RYR2: variants seen among roughly 807,000 people sequenced by gnomAD.
RYR2 encodes the protein ryanodine receptor 2.
In RYR2, 227 loss-of-function variants were observed where a neutral mutation model predicts 601.1. That is an observed-to-expected ratio of 0.38 (90% CI 0.34 to 0.42). RYR2 has a LOEUF of 0.42. Ranked by LOEUF, RYR2 falls within the 10% of genes least tolerant of loss-of-function variation. The pLI is 1.00. For synonymous variants in RYR2, 2,223 were observed against 2,175.1 expected (o/e 1.02, Z -0.61); for missense variants, 4,646 against 6,156.5 (o/e 0.75, Z 8.21).
At chr1:237,516,385 C>T (rs1034841279) in intron 24 of RYR2, among the ~76,000 whole-genome samples, 3 of 152,180 alleles carry the variant, frequency 2.0e-5, no homozygotes, top group African/African-American at 7.2e-5. Flanking sequence ...TCTCAGAATG[C>T]TGGGATTGCA....
chr1:237,593,426 TG>T (rs749172224), intron 32 of RYR2, 49 bp from the exon 33 acceptor site: 2 of 1,536,576 alleles, frequency 1.3e-6, no homozygotes, highest in Non-Finnish European at 1.8e-6. Context: ...ATCCAAGTTT[TG>T]TTTTGTTTAG....
chr1:237,424,681 T>C (rs1326574443), intron 12 of RYR2, among the ~76,000 whole-genome samples: 1 of 152,218 alleles, frequency 6.6e-6, no homozygotes, highest in African/African-American at 2.4e-5. Context: ...CTAAATATTT[T>C]ACAAGCATTA....
chr1:237,504,214 G>C (rs1664971558), intron 22 of RYR2, among the ~76,000 whole-genome samples: 1 of 152,234 alleles, frequency 6.6e-6, no homozygotes, highest in Non-Finnish European at 1.5e-5. Flanking sequence ...CTTTGTGTGA[G>C]CAATAAAGCT....
intron 21 of RYR2, among the ~76,000 whole-genome samples, 157 bp from the exon 22 acceptor site, chr1:237,503,132 T>G (rs1664841694): frequency 6.6e-6 from 1 of 152,222 alleles, no homozygotes; most frequent in African/African-American, 2.4e-5. Context: ...TAGAGGCCCT[T>G]GAATTCTAAG....
chr1:237,803,563 G>A (rs1660255587), intron 98 of RYR2, among the ~76,000 whole-genome samples: 1 of 152,090 alleles, frequency 6.6e-6, no homozygotes. Context: ...GCCTCCCAAA[G>A]TACTGGGATT....
chr1:237,517,720 C>T lies in RYR2; in HGVS notation c.2822+5929C>T, dbSNP rs1439031146. On this transcript the variant is annotated intron_variant, in intron 24 of 104. Transcript: ENST00000366574. The stretch of plus-strand genomic sequence containing the variant: ...AAGATACAGAGACTTTTCTTATGCC[C>T]CCTGTTTCCACAGGCAACTGCCCTC... Among the ~76,000 whole-genome samples, 3 of 152,072 alleles carry T rather than the reference C, an allele frequency of 2.0e-5. No homozygotes were observed. In the East Asian group the frequency reaches 5.8e-4, roughly 29 times the overall value.
At chr1:237,797,657 C>T (rs1202004812) in intron 96 of RYR2, among the ~76,000 whole-genome samples, 4 of 152,232 alleles carry the variant, frequency 2.6e-5, no homozygotes, top group Non-Finnish European at 5.9e-5. Context: ...ATATCAATAA[C>T]GTGAAACCTA....
At chr1:237,363,790 A>C (rs1022710245) in intron 4 of RYR2, among the ~76,000 whole-genome samples, 42 of 152,282 alleles carry the variant, frequency 2.8e-4, no homozygotes, top group African/African-American at 9.6e-4. Context: ...ATTTTAAGAG[A>C]AAAAGAAATG....
chr1:237,117,063 G>A (rs1033422373), intron 1 of RYR2, among the ~76,000 whole-genome samples: 1 of 152,192 alleles, frequency 6.6e-6, no homozygotes, highest in Non-Finnish European at 1.5e-5. Context: ...GGACCAGGAA[G>A]CAATAACCTT....
Position 237,784,595 on chromosome 1 carries a change from T to C in RYR2, c.12883T>C (p.Leu4295=), listed in dbSNP as rs1695397360. The C allele has an allele frequency of 2.5e-6, 4 of 1,613,826 alleles. No individual in the cohort carries two copies. The highest frequency in any genetic ancestry group is 1.1e-5 in the South Asian group (1 of 91,074). The change falls in exon 90 of 105, where the codon TTG becomes CTG. Residue 4295 remains leucine (L), a synonymous_variant. Coordinates refer to ENST00000366574, the MANE Select transcript of RYR2 (RefSeq NM_001035.3). The surrounding 1 kb of genome is among the most constrained non-coding windows in gnomAD (Gnocchi z 7.1). Reference sequence around the variant, plus strand: ...CTACTGGAGTATTTTCATGACCCTCTTGCACTTCGTGGCCAGCGTTTTCAG... The same window carrying C: ...CTACTGGAGTATTTTCATGACCCTCCTGCACTTCGTGGCCAGCGTTTTCAG... ...SSYWSIFMTL[L]HFVASVFRGF... is the part of the protein sequence containing the mutation.
intron 14 of RYR2, among the ~76,000 whole-genome samples, chr1:237,453,798 T>C (rs2927934): frequency 0.19 from 29,449 of 152,202 alleles, 2,966 homozygotes; most frequent in Admixed American, 0.24. Flanking sequence ...GTAATATATC[T>C]TTCTTCCAAG....
intron 12 of RYR2, among the ~76,000 whole-genome samples, chr1:237,435,752 T>G (rs1007890686): frequency 6.6e-6 from 1 of 152,164 alleles, no homozygotes; most frequent in African/African-American, 2.4e-5. Context: ...GACACAGAAA[T>G]ACATATCTAA....
chr1:237,804,049 GA>G (rs1250088295), intron 98 of RYR2, among the ~76,000 whole-genome samples: 1 of 152,122 alleles, frequency 6.6e-6, no homozygotes, highest in Non-Finnish European at 1.5e-5. Flanking sequence ...AAATAAAAAA[GA>G]GACCATGTGT....
intron 65 of RYR2, among the ~76,000 whole-genome samples, chr1:237,700,980 G>A (rs1687919557): frequency 6.6e-6 from 1 of 152,184 alleles, no homozygotes; most frequent in Admixed American, 6.5e-5. Context: ...TTAATCTTCT[G>A]TTTTGGGCTG....
At chr1:237,503,925 C>G (rs1351722535) in intron 22 of RYR2, among the ~76,000 whole-genome samples, 1 of 152,154 alleles carries the variant, frequency 6.6e-6, no homozygotes, top group Non-Finnish European at 1.5e-5. Flanking sequence ...CCAGGCTGGT[C>G]TTGAACTCCT....
chr1:237,292,469 G>T (rs984602036), intron 2 of RYR2, among the ~76,000 whole-genome samples: 4 of 152,064 alleles, frequency 2.6e-5, no homozygotes, highest in African/African-American at 9.7e-5. Context: ...ATGAAATCAG[G>T]CCTGGGTACC....
intron 17 of RYR2, among the ~76,000 whole-genome samples, chr1:237,477,645 T>C (rs1195652351): frequency 6.6e-6 from 1 of 152,204 alleles, no homozygotes; most frequent in African/African-American, 2.4e-5. Flanking sequence ...TTGCATTGTG[T>C]CACTTGCTTT....
chr1:237,592,285 A>G (rs1182294271), intron 32 of RYR2, among the ~76,000 whole-genome samples: 1 of 152,134 alleles, frequency 6.6e-6, no homozygotes, highest in East Asian at 1.9e-4. Context: ...AGTTGTGTTC[A>G]TTGTAGAGTG....
rs188169094 is a variant in RYR2, at chr1:237,309,143, C to G, written c.169-21735C>G. 2.0e-3 allele frequency among the ~76,000 whole-genome samples: 293 copies of G among 149,232 alleles called. 2 individuals are homozygous for G. Among genetic ancestry groups the G allele is most frequent in the African/African-American group, 6.9e-3 (272 of 39,658 alleles). ...GACATAAAAGTTCTCCAAGTCCCCA[C>G]TAGATTAGCTAGACACAGAGCACTG... On this transcript the variant is annotated intron_variant, in intron 2 of 104. Transcript: ENST00000366574.
Sources: gnomAD v4.1 joint callset for allele counts (sites outside exome capture counted in the v4.1 genomes callset) on GRCh38, gnomAD v4.1.1 for gene constraint, Gnocchi (gnomAD v3.1) non-coding constraint, MANE v1.5 for transcripts, NCBI Gene and HGNC (gene_info 2026-07-23, HGNC 2026-07-21) for gene names.